AGXT2: variants seen among roughly 807,000 people sequenced by gnomAD.
AGXT2 encodes the protein alanine--glyoxylate aminotransferase 2.
A neutral mutation model predicts 62.5 loss-of-function variants in AGXT2; 61 were observed. The ratio of observed to expected loss-of-function variants is 0.98; its 90% CI spans 0.79 to 1.21. AGXT2 has a LOEUF of 1.21. Among genes scored for constraint, AGXT2 ranks in the 50% most tolerant of loss-of-function variants. AGXT2 has a pLI of 0.00. For missense variants in AGXT2, 666 were observed against 641.5 expected, an observed-to-expected ratio of 1.04 and a Z score of -0.41; for synonymous variants, 243 against 218.7, an observed-to-expected ratio of 1.11 and a Z score of -0.98.
At chr5:35,020,894 T>C (rs1018239702) in intron 9 of AGXT2, among the ~76,000 whole-genome samples, 7 of 152,216 alleles carry the variant, frequency 4.6e-5, no homozygotes, top group Non-Finnish European at 7.4e-5. Flanking sequence ...ACAAAATCAA[T>C]GTACAAAAAT....
rs529945387 is a variant in AGXT2, at chr5:35,047,805, G to A, written c.88C>T (p.Leu30=). The A allele has an allele frequency of 9.9e-6, 16 of 1,613,832 alleles. No homozygotes were observed. The Admixed American group carries it at 1.7e-4, about 17-fold the overall frequency. Residue 30 remains leucine (L), a splice_region_variant and synonymous_variant, in exon 1 of 14, where the codon CTA becomes TTA. Transcript: ENST00000231420. The stretch of plus-strand genomic sequence containing the variant: ...CCACGTCCCCCTGGTTTCCACTTAC[G>A]GCTCAGGAAAGGATGCATCTCAAGG... The part of the protein sequence containing the change: ...RILEMHPFLS[L]GTSRTSVTKL...
intron 6 of AGXT2, 22 bp downstream of exon 6, chr5:35,033,436 CAA>C (rs1767646514): frequency 1.3e-6 from 2 of 1,561,098 alleles, no homozygotes; most frequent in Middle Eastern, 1.7e-4. Flanking sequence ...TTTAAAGAAA[CAA>C]GAGAAAAATC....
intron 2 of AGXT2, 125 bp downstream of exon 2, chr5:35,040,450 A>G: frequency 2.3e-6 from 2 of 862,122 alleles, no homozygotes; most frequent in Non-Finnish European, 3.9e-6. Flanking sequence ...TAGAGGTACA[A>G]TATCTGGAAT....
intron 12 of AGXT2, among the ~76,000 whole-genome samples, chr5:35,008,859 G>A (rs1343532265): frequency 1.3e-5 from 2 of 152,148 alleles, no homozygotes; most frequent in Non-Finnish European, 2.9e-5. Context: ...GGTTAGTCTG[G>A]CTATTCCTCC....
intron 12 of AGXT2, among the ~76,000 whole-genome samples, chr5:35,007,523 G>C (rs1383141299): frequency 6.6e-6 from 1 of 152,168 alleles, no homozygotes; most frequent in African/African-American, 2.4e-5. Flanking sequence ...GGTAGATATA[G>C]AGGGGAGAAT....
At position 34,998,803 on chromosome 5, in the gene AGXT2, C is replaced by T. The variant is rs902680976; in HGVS notation, c.1461G>A (p.Met487Ile). The T allele has an allele frequency of 5.0e-6, 8 of 1,613,672 alleles. No individual in the cohort carries two copies. The highest frequency in any genetic ancestry group is 1.3e-5 in the African/African-American group (1 of 74,900). ...AATCAACTTCTGGTTTAGTGATGCA[C>T]ATTGAGGGCGCAATGCGAAATGTCT... The part of the protein sequence containing the change: ...FSQTFRIAPS[M>I]CITKPEVDFA... The change falls in exon 14 of 14, where the codon ATG becomes ATA. Residue 487 changes from methionine (M) to isoleucine (I), a missense_variant. Transcript: ENST00000231420.
At chr5:35,044,402 C>T (rs1351055098) in intron 1 of AGXT2, among the ~76,000 whole-genome samples, 1 of 152,204 alleles carries the variant, frequency 6.6e-6, no homozygotes, top group Non-Finnish European at 1.5e-5. Context: ...CATTGCTGTT[C>T]GGTATCATCC....
At chr5:35,025,715 C>A in intron 9 of AGXT2, 48 bp downstream of exon 9, 1 of 1,577,238 alleles carries the variant, frequency 6.3e-7, no homozygotes, top group Non-Finnish European at 8.7e-7. Context: ...TCTGTCTGTG[C>A]ATCTCCTGTT....
At chr5:35,020,636 T>A (rs1480072514) in intron 9 of AGXT2, among the ~76,000 whole-genome samples, 2 of 152,160 alleles carry the variant, frequency 1.3e-5, no homozygotes, top group Admixed American at 1.3e-4. Flanking sequence ...GGGCAAAAAC[T>A]GGAAGCATTC....
At chr5:35,024,437 A>G (rs1470244933) in intron 9 of AGXT2, among the ~76,000 whole-genome samples, 1 of 152,168 alleles carries the variant, frequency 6.6e-6, no homozygotes, top group African/African-American at 2.4e-5. Context: ...ATACACTCTA[A>G]TATGAGGTGT....
At chr5:35,021,695 AT>A (rs1414467014) in intron 9 of AGXT2, among the ~76,000 whole-genome samples, 3 of 152,222 alleles carry the variant, frequency 2.0e-5, no homozygotes, top group Non-Finnish European at 4.4e-5. Flanking sequence ...GCCAAAAGCA[AT>A]GGCAACAAAA....
Position 35,010,141 on chromosome 5 carries a change from T to C in AGXT2, c.1197A>G (p.Lys399=). 6.2e-7 allele frequency: 1 copy of C among 1,614,224 alleles called. No individual in the cohort carries two copies. ...AIGSAVLEVI[K]EENLQENSQE... The stretch of plus-strand genomic sequence containing the variant: ...GACTGTTTTCCTGTAGATTTTCTTC[T>C]TTAATCACCTGTTAAGAGAAAGCCC... Residue 399 remains lysine (K), a synonymous_variant, in exon 12 of 14, where the codon AAA becomes AAG. Coordinates refer to ENST00000231420, the MANE Select transcript of AGXT2 (RefSeq NM_031900.4).
intron 9 of AGXT2, among the ~76,000 whole-genome samples, chr5:35,014,372 G>T (rs1287738777): frequency 7.1e-6 from 1 of 141,772 alleles, no homozygotes; most frequent in Non-Finnish European, 1.5e-5. Flanking sequence ...AGAATCGCTT[G>T]AACTCGGAGG....
At chr5:35,042,202 A>G (rs1284185519) in intron 1 of AGXT2, among the ~76,000 whole-genome samples, 7 of 152,220 alleles carry the variant, frequency 4.6e-5, no homozygotes, top group Non-Finnish European at 1.0e-4. Context: ...GTTGGAGAGA[A>G]ATACTTGACA....
intron 1 of AGXT2, among the ~76,000 whole-genome samples, chr5:35,046,692 C>T (rs40443): frequency 0.34 from 52,286 of 151,666 alleles, 9,317 homozygotes; most frequent in South Asian, 0.43. Context: ...GGTAAGAAAG[C>T]GAAGAGGAGA....
At position 35,039,380 on chromosome 5, in the gene AGXT2, G is replaced by C; in HGVS notation, c.306C>G (p.Ser102Arg). The C allele has an allele frequency of 6.2e-7, 1 of 1,614,146 alleles. No homozygotes were observed. Among genetic ancestry groups the C allele is most frequent in the East Asian group, 2.2e-5 (1 of 44,882 alleles). ...HMEWLFDAEG[S>R]RYLDFFSGIV... ...TCCCGGAAAAGAAATCCAGGTATCT[G>C]CTTCCTTCAGCATCAAAGAGCCACT... Residue 102 changes from serine to arginine, a missense_variant, in exon 3 of 14, where the codon AGC becomes AGG. Transcript: ENST00000231420.
chr5:35,000,802 A>G (rs890319720), intron 13 of AGXT2, among the ~76,000 whole-genome samples: 1 of 152,218 alleles, frequency 6.6e-6, no homozygotes, highest in Non-Finnish European at 1.5e-5. Flanking sequence ...CTGATGACCT[A>G]TAAAACATGA....
intron 10 of AGXT2, 39 bp downstream of exon 10, chr5:35,013,948 G>A (rs566211283): frequency 1.7e-5 from 27 of 1,613,454 alleles, no homozygotes; most frequent in East Asian, 8.9e-5. Flanking sequence ...CCCAATGTAC[G>A]AGGCCCAGAA....
chr5:35,006,003 A>G (rs149111401), intron 12 of AGXT2, among the ~76,000 whole-genome samples: 60 of 152,292 alleles, frequency 3.9e-4, no homozygotes, highest in African/African-American at 1.4e-3. Context: ...TATGCATGCA[A>G]ATACATCTAT....
Sources: gnomAD v4.1 joint callset for allele counts (sites outside exome capture counted in the v4.1 genomes callset) on GRCh38, gnomAD v4.1.1 for gene constraint, MANE v1.5 for transcripts, NCBI Gene and HGNC (gene_info 2026-07-23, HGNC 2026-07-21) for gene names.